CCDC170: variants seen among roughly 807,000 people sequenced by gnomAD.
CCDC170 encodes coiled-coil domain-containing protein 170.
CCDC170 carries 69 observed loss-of-function variants against 72.6 expected under a neutral mutation model. The observed-to-expected ratio is 0.95, with a 90% CI of 0.78 to 1.16. The LOEUF (loss-of-function observed/expected upper bound fraction) is 1.16, where lower values mean the gene tolerates loss of function less well. Among genes scored for constraint, CCDC170 ranks in the 50% most tolerant of loss-of-function variants. CCDC170 has a pLI of 0.00. For missense variants in CCDC170, 852 were observed against 832.5 expected, an observed-to-expected ratio of 1.02 and a Z score of -0.29; for synonymous variants, 300 against 303.9, an observed-to-expected ratio of 0.99 and a Z score of 0.13.
chr6:151,544,979 AGAGTT>A (rs1479578399), intron 4 of CCDC170, among the ~76,000 whole-genome samples: 1 of 152,218 alleles, frequency 6.6e-6, no homozygotes, highest in African/African-American at 2.4e-5. Flanking sequence ...GTTGTCATAT[AGAGTT>A]AATTACTCAT....
chr6:151,596,344 CAGAA>C lies in CCDC170; in HGVS notation c.1481_1484del (p.Lys494ArgfsTer10), dbSNP rs975226712. The C allele has an allele frequency of 1.9e-6, 3 of 1,609,928 alleles. No individual in the cohort carries two copies. The highest frequency in any genetic ancestry group is 2.5e-6 in the Non-Finnish European group (3 of 1,178,674). On this transcript the variant is annotated frameshift_variant, in exon 9 of 11. Transcript: ENST00000239374. LOFTEE classifies it high-confidence loss of function. ...GTTTGCATCAAACCAGCTAAAGACACAGAAAGAGAGACTGGAGAGCAAAGAATTA... is the reference window on the plus strand; with the variant it reads ...GTTTGCATCAAACCAGCTAAAGACACAGAGAGACTGGAGAGCAAAGAATTA...
chr6:151,502,291 A>C (rs1782003919), intron 1 of CCDC170, among the ~76,000 whole-genome samples: 1 of 152,210 alleles, frequency 6.6e-6, no homozygotes, highest in Non-Finnish European at 1.5e-5. Context: ...TAATGACAAT[A>C]ATAATTAGTA....
rs1366664687 is a variant in CCDC170 at position 151,513,882 on chromosome 6, T to C, written c.57+19697T>C. On this transcript the variant is annotated intron_variant, in intron 1 of 10. Transcript: ENST00000239374. ...TTGTGATGAGCCAAGATCATGCCACTGCACTCCAGTCTGGATGACAGAATG... is the reference window on the plus strand; with the variant it reads ...TTGTGATGAGCCAAGATCATGCCACCGCACTCCAGTCTGGATGACAGAATG... Among the ~76,000 whole-genome samples, 3 of 135,720 alleles carry C rather than the reference T, an allele frequency of 2.2e-5. No homozygotes were observed. The East Asian group carries it at 6.6e-4, about 30-fold the overall frequency. The allele number at this position is 135,720 out of a possible 152,430, so 89.0% of individuals were successfully genotyped here. A position where few individuals can be genotyped will look rare whatever the true frequency, so the allele number is the denominator to read the frequency against.
intron 4 of CCDC170, among the ~76,000 whole-genome samples, chr6:151,547,317 A>C (rs1180329534): frequency 6.6e-6 from 1 of 152,206 alleles, no homozygotes; most frequent in East Asian, 1.9e-4. Context: ...TCAAAGGGTA[A>C]GGATAGTGAA....
At position 151,615,612 on chromosome 6, in the gene CCDC170, A is replaced by G. The variant is rs1776953143; in HGVS notation, c.1880A>G (p.Glu627Gly). The change falls in exon 10 of 11, where the codon GAA (glutamate) becomes GGA (glycine). Residue 627 changes from glutamate (E) to glycine (G), a missense_variant. By Grantham distance (98) the Glu-to-Gly change is moderately conservative. Coordinates refer to ENST00000239374, the MANE Select transcript of CCDC170 (RefSeq NM_025059.4). ...ENKERARNMI[E>G]VVTSEMKTLK... ...AAAGAAAGGGCCAGAAACATGATAGAAGTGGTAACCAGTGAAATGAAGACA... is the reference window on the plus strand; with the variant it reads ...AAAGAAAGGGCCAGAAACATGATAGGAGTGGTAACCAGTGAAATGAAGACA... 1 of 1,614,140 alleles carries G rather than the reference A, an allele frequency of 6.2e-7. No individual in the cohort carries two copies. Among genetic ancestry groups the G allele is most frequent in the Non-Finnish European group, 8.5e-7 (1 of 1,180,000 alleles).
At chr6:151,500,282 G>T (rs1582998919) in intron 1 of CCDC170, among the ~76,000 whole-genome samples, 1 of 144,308 alleles carries the variant, frequency 6.9e-6, no homozygotes, top group Non-Finnish European at 1.5e-5. Context: ...GACTCTAGTT[G>T]CATGTCTTCA....
At chr6:151,556,665 T>C (rs1268732798) in intron 5 of CCDC170, among the ~76,000 whole-genome samples, 1 of 151,898 alleles carries the variant, frequency 6.6e-6, no homozygotes, top group African/African-American at 2.4e-5. Flanking sequence ...ACGCATAGAA[T>C]GTGTAAGGAT....
intron 2 of CCDC170, 134 bp from the exon 3 acceptor site, chr6:151,537,911 T>A (rs1782616297): frequency 2.2e-5 from 19 of 865,954 alleles, no homozygotes; most frequent in Non-Finnish European, 3.1e-5. Context: ...ATACAAATAT[T>A]AGAAAAAAAA....
intron 1 of CCDC170, among the ~76,000 whole-genome samples, chr6:151,511,541 G>C (rs1451523670): frequency 6.6e-6 from 1 of 152,132 alleles, no homozygotes; most frequent in Non-Finnish European, 1.5e-5. Context: ...TGGTGCTAAG[G>C]ATAAAAATAT....
In CCDC170 at chr6:151,536,424, A is replaced by T; in HGVS notation, c.164A>T (p.Lys55Ile). Residue 55 changes from lysine to isoleucine, a missense_variant, in exon 2 of 11, where the codon AAA becomes ATA. Lys to Ile is a moderately radical substitution (Grantham distance 102). Transcript: ENST00000239374. ...ARSELAATLVKFECAQSELQD... is the reference protein window; with the variant it reads ...ARSELAATLVIFECAQSELQD... ...AGTGAACTTGCAGCAACTTTGGTCA[A>T]ATTTGAATGTGCTCAGTCTGAGGTA... 1 of 1,614,104 alleles carries T rather than the reference A, an allele frequency of 6.2e-7. No homozygotes were observed. The highest frequency in any genetic ancestry group is 1.1e-5 in the South Asian group (1 of 91,076).
At chr6:151,578,607 G>C (rs755842723) in intron 6 of CCDC170, among the ~76,000 whole-genome samples, 22 of 152,102 alleles carry the variant, frequency 1.4e-4, no homozygotes, top group Non-Finnish European at 2.5e-4. Flanking sequence ...GGTACTGGGG[G>C]GCTTCAACAT....
chr6:151,514,335 A>AGGAGGGAGGGAG (rs560525371), intron 1 of CCDC170, among the ~76,000 whole-genome samples: 2 of 65,378 alleles, frequency 3.1e-5, no homozygotes, highest in Non-Finnish European at 4.7e-5. Context: ...AAAGGAAGGA[A>AGGAGGGAGGGAG]GGAGGGAGGG....
At chr6:151,610,843 A>G (rs1776858813) in intron 9 of CCDC170, among the ~76,000 whole-genome samples, 1 of 151,952 alleles carries the variant, frequency 6.6e-6, no homozygotes, top group South Asian at 2.1e-4. Flanking sequence ...TTGACATTTT[A>G]TTTTCTGCAT....
chr6:151,552,345 G>A (rs1782893615), intron 5 of CCDC170, among the ~76,000 whole-genome samples: 1 of 152,096 alleles, frequency 6.6e-6, no homozygotes, highest in African/African-American at 2.4e-5. Context: ...AAGTTTCTAT[G>A]GGGTGATCAT....
chr6:151,584,674 C>A (rs959033381), intron 6 of CCDC170, among the ~76,000 whole-genome samples: 56 of 152,118 alleles, frequency 3.7e-4, no homozygotes, highest in Admixed American at 3.6e-3. Context: ...ATTATAGGAA[C>A]TGGGGAAAAC....
At position 151,503,136 on chromosome 6, in the gene CCDC170, C is replaced by T. The variant is rs143105519; in HGVS notation, c.57+8951C>T. 8.2e-3 allele frequency among the ~76,000 whole-genome samples: 1,244 copies of T among 152,112 alleles called. 24 individuals are homozygous for T. Among genetic ancestry groups the T allele is most frequent in the African/African-American group, 0.028 (1,175 of 41,492 alleles). On this transcript the variant is annotated intron_variant, in intron 1 of 10. Coordinates refer to ENST00000239374, the MANE Select transcript of CCDC170 (RefSeq NM_025059.4). ...AGGTTGCAGTGAGCCGAGATCACGC[C>T]GCTGCCCTCTGGCCTGGCGACAGGG...
chr6:151,617,408 CTTTTTTTTTTTTTTTTTTTTTTTT>C lies in CCDC170; in HGVS notation c.1948-517_1948-494del, dbSNP rs745655791. Among the ~76,000 whole-genome samples the C allele has an allele frequency of 7.2e-4, 66 of 91,472 alleles. 1 individual carries two copies. The highest frequency in any genetic ancestry group is 8.8e-4 in the Non-Finnish European group (41 of 46,718). The allele number at this position is 91,472 out of a possible 152,430, so 60.0% of individuals were successfully genotyped here. ...AGCTTATACTTTCTTGCTGTTTGTT[CTTTTTTTTTTTTTTTTTTTTTTTT>C]TTTTTTTTTTTTTTTTTTTTTAGTG... On this transcript the variant is annotated intron_variant, in intron 10 of 10. Coordinates refer to ENST00000239374, the MANE Select transcript of CCDC170 (RefSeq NM_025059.4).
intron 1 of CCDC170, among the ~76,000 whole-genome samples, chr6:151,527,936 T>C (rs997200276): frequency 1.3e-5 from 2 of 152,140 alleles, no homozygotes; most frequent in Non-Finnish European, 2.9e-5. Flanking sequence ...CTAAATACCA[T>C]AGTAGCAAGA....
chr6:151,596,514 G>T lies in CCDC170; in HGVS notation c.1647G>T (p.Leu549=). 6.2e-7 allele frequency: 1 copy of T among 1,614,126 alleles called. No homozygotes were observed. The highest frequency in any genetic ancestry group is 8.5e-7 in the Non-Finnish European group (1 of 1,180,020). The change falls in exon 9 of 11, where the codon CTG becomes CTT. Residue 549 remains leucine, a synonymous_variant. Transcript: ENST00000239374. ...QKKVERLQKE[L]NTCRDLHTEL... ...AGGTGGAGAGGCTGCAGAAAGAGCT[G>T]AACACGTGTCGAGACTTGCACACCG...
Sources: gnomAD v4.1 joint callset for allele counts (sites outside exome capture counted in the v4.1 genomes callset) on GRCh38, gnomAD v4.1.1 for gene constraint, MANE v1.5 for transcripts, NCBI Gene and HGNC (gene_info 2026-07-23, HGNC 2026-07-21) for gene names.